The following RYR3 variants were observed in gnomAD, a reference collection of about 807,000 sequenced individuals.
The protein encoded by RYR3 is brain ryanodine receptor-calcium release channel.
RYR3 carries 207 observed loss-of-function variants against 584.3 expected under a neutral mutation model. The observed-to-expected ratio is 0.35, with a 90% confidence interval of 0.32 to 0.40. The LOEUF is 0.40. Ranked by LOEUF, RYR3 falls within the 10% of genes least tolerant of loss-of-function variation. RYR3 has a pLI of 1.00. For missense variants in RYR3, 5,616 were observed against 6,089.2 expected, an observed-to-expected ratio of 0.92 and a Z score of 2.59; for synonymous variants, 2,416 against 2,248.5, an observed-to-expected ratio of 1.07 and a Z score of -2.11.
chr15:33,394,709 C>G (rs1445225528), intron 1 of RYR3, among the ~76,000 whole-genome samples: 1 of 152,314 alleles, frequency 6.6e-6, no homozygotes, highest in East Asian at 1.9e-4. Flanking sequence ...TATAGAAGAG[C>G]TCATCTCTTA....
chr15:33,351,771 C>T (rs11639414), intron 1 of RYR3, among the ~76,000 whole-genome samples: 42,012 of 147,026 alleles, frequency 0.29, 6,289 homozygotes, highest in East Asian at 0.42. Context: ...AAAATAATAA[C>T]AGCTATCTAT....
intron 4 of RYR3, 103 bp downstream of exon 4, chr15:33,530,769 T>C (rs2054802612): frequency 6.1e-6 from 5 of 817,574 alleles, no homozygotes; most frequent in South Asian, 1.5e-5. Context: ...CAGGAACAAT[T>C]GGAACATAAC....
intron 38 of RYR3, among the ~76,000 whole-genome samples, chr15:33,686,133 C>CA (rs779805524): frequency 2.0e-5 from 3 of 151,986 alleles, no homozygotes; most frequent in Admixed American, 6.5e-5. Context: ...AAAAACCCTT[C>CA]AAAAAAATCA....
intron 3 of RYR3, among the ~76,000 whole-genome samples, chr15:33,518,918 G>A (rs1353591284): frequency 6.6e-6 from 1 of 152,200 alleles, no homozygotes; most frequent in Non-Finnish European, 1.5e-5. Context: ...AATGAATGCT[G>A]AGGCGTACCC....
rs2041916052 is a variant in RYR3 at position 33,390,383 on chromosome 15, C to T, written c.51+79287C>T. Among the ~76,000 whole-genome samples the T allele has an allele frequency of 6.6e-6, 1 of 152,204 alleles. No individual in the cohort carries two copies. Among genetic ancestry groups the T allele is most frequent in the African/African-American group, 2.4e-5 (1 of 41,442 alleles). ...CCTATTGAACACTAATATTTCCAAACACTGATATTTCCAAACTGATATTTG... is the reference window on the plus strand; with the variant it reads ...CCTATTGAACACTAATATTTCCAAATACTGATATTTCCAAACTGATATTTG... On this transcript the variant is annotated intron_variant, in intron 1 of 103. Coordinates refer to ENST00000634891, the MANE Select transcript of RYR3 (RefSeq NM_001036.6). This position sits in a 1 kb window ranked among gnomAD's most constrained non-coding sequence, Gnocchi z 4.2.
intron 60 of RYR3, among the ~76,000 whole-genome samples, chr15:33,764,300 AC>A (rs1209978807): frequency 1.3e-5 from 2 of 151,988 alleles, no homozygotes; most frequent in Non-Finnish European, 2.9e-5. Flanking sequence ...AGCTGAAAAC[AC>A]TCATTCTCAG....
chr15:33,733,859 C>G (rs2069169359), intron 48 of RYR3, among the ~76,000 whole-genome samples: 1 of 152,088 alleles, frequency 6.6e-6, no homozygotes, highest in Non-Finnish European at 1.5e-5. Flanking sequence ...CTCTGAGTAC[C>G]CTTTGCTCAA....
chr15:33,853,409 TTC>T (rs1422405078), intron 95 of RYR3, 144 bp from the exon 96 acceptor site: 7 of 1,081,948 alleles, frequency 6.5e-6, no homozygotes, highest in South Asian at 2.1e-5. Flanking sequence ...TCTCTGGGTT[TTC>T]TCTTTTTTCT....
At chr15:33,829,751 CAAAAA>C (rs56172137) in intron 85 of RYR3, among the ~76,000 whole-genome samples, 21 of 134,768 alleles carry the variant, frequency 1.6e-4, no homozygotes, top group South Asian at 2.5e-4. Context: ...GACTCTGTCT[CAAAAA>C]AAAAAAAAAA....
In RYR3 at chr15:33,838,426, T is replaced by C. The variant is rs1567287970; in HGVS notation, c.12446T>C (p.Val4149Ala). ...ASAFAMACAS[V>A]KRNVTDFLKR... ...GCATTTGCTATGGCCTGTGCCTCTGTGAAGAGGAATGTCACCGACTTCCTG... is the reference window on the plus strand; with the variant it reads ...GCATTTGCTATGGCCTGTGCCTCTGCGAAGAGGAATGTCACCGACTTCCTG... Residue 4149 changes from valine (V) to alanine (A), a missense_variant, in exon 89 of 104, where the codon GTG becomes GCG. Coordinates refer to ENST00000634891, the MANE Select transcript of RYR3 (RefSeq NM_001036.6). 1 of 1,613,930 alleles carries C rather than the reference T, an allele frequency of 6.2e-7. No homozygotes were observed. The highest frequency in any genetic ancestry group is 8.5e-7 in the Non-Finnish European group (1 of 1,179,872).
intron 32 of RYR3, among the ~76,000 whole-genome samples, chr15:33,657,632 A>G (rs2062896701): frequency 1.3e-5 from 2 of 152,264 alleles, no homozygotes; most frequent in African/African-American, 2.4e-5. Context: ...AAGCAAGTAT[A>G]TAATAGGTAC....
chr15:33,663,396 T>G (rs2063282922), intron 35 of RYR3, 141 bp from the exon 36 acceptor site: 1 of 689,490 alleles, frequency 1.5e-6, no homozygotes, highest in East Asian at 2.7e-5. Context: ...GACTTAATGG[T>G]GAAGATTTGA....
At chr15:33,480,720 T>A (rs913924034) in intron 2 of RYR3, among the ~76,000 whole-genome samples, 1 of 152,232 alleles carries the variant, frequency 6.6e-6, no homozygotes, top group Admixed American at 6.5e-5. Context: ...ATTCTGTGTA[T>A]CACTCCAATC....
chr15:33,453,020 T>G (rs2047254145), intron 1 of RYR3, among the ~76,000 whole-genome samples: 1 of 152,002 alleles, frequency 6.6e-6, no homozygotes, highest in Non-Finnish European at 1.5e-5. Flanking sequence ...CCTTTCTCCT[T>G]CCTTTGAAGA....
chr15:33,742,220 C>T (rs2288608), intron 51 of RYR3, 146 bp from the exon 52 acceptor site: 118,563 of 644,628 alleles, frequency 0.18, 11,596 homozygotes, highest in African/African-American at 0.27. Context: ...AATGTCACTG[C>T]GCCTGGAGTC....
chr15:33,327,343 G>A (rs770466699), intron 1 of RYR3, among the ~76,000 whole-genome samples: 3 of 152,204 alleles, frequency 2.0e-5, no homozygotes, highest in Non-Finnish European at 4.4e-5. Flanking sequence ...CTGGCAGAAA[G>A]CCACGAATCC....
chr15:33,795,297 G>C (rs1479868127), intron 67 of RYR3, among the ~76,000 whole-genome samples: 1 of 152,024 alleles, frequency 6.6e-6, no homozygotes, highest in Non-Finnish European at 1.5e-5. Context: ...GCTGTGGTGT[G>C]CTCAGTGGGG....
Position 33,407,148 on chromosome 15 carries a change from A to G in RYR3, c.52-66271A>G, listed in dbSNP as rs1014162315. On this transcript the variant is annotated intron_variant, in intron 1 of 103. Transcript: ENST00000634891. ...TAAGCTAGTTTCCCTCAGCCCTTTT[A>G]TAAAGCACTAATCCATTCATGAGGG... is the stretch of plus-strand genomic sequence containing the variant. Among the ~76,000 whole-genome samples, 6 of 152,320 alleles carry G rather than the reference A, an allele frequency of 3.9e-5. No homozygotes were observed. The East Asian group carries it at 1.2e-3, about 29-fold the overall frequency.
intron 1 of RYR3, among the ~76,000 whole-genome samples, chr15:33,348,226 A>T (rs1335228708): frequency 6.6e-6 from 1 of 152,214 alleles, no homozygotes; most frequent in Admixed American, 6.5e-5. Flanking sequence ...TCTAGTATAC[A>T]TAGATAGCTG....
Sources: gnomAD v4.1 joint callset for allele counts (sites outside exome capture counted in the v4.1 genomes callset) on GRCh38, gnomAD v4.1.1 for gene constraint, Gnocchi (gnomAD v3.1) non-coding constraint, MANE v1.5 for transcripts, NCBI Gene and HGNC (gene_info 2026-07-23, HGNC 2026-07-21) for gene names.